The following LYST variants were observed in gnomAD, a reference collection of about 807,000 sequenced individuals.
LYST encodes lysosomal trafficking regulator.
LYST carries 192 observed loss-of-function variants against 413.6 expected under a neutral mutation model. The ratio of observed to expected loss-of-function variants is 0.46; its 90% CI spans 0.41 to 0.52. The LOEUF is 0.52. Among genes scored for constraint, LYST ranks in the 20% least tolerant of loss-of-function variants. The probability of loss-of-function intolerance (pLI) is 0.00; values close to 1 mark genes in which losing one functional copy is unlikely to be tolerated. For missense variants in LYST, 3,815 were observed against 4,499.9 expected (o/e 0.85, Z 4.35); for synonymous variants, 1,525 against 1,567.3 (o/e 0.97, Z 0.64).
intron 29 of LYST, 95 bp from the exon 30 acceptor site, chr1:235,744,252 T>A (rs1665694092): frequency 1.4e-6 from 1 of 709,918 alleles, no homozygotes; most frequent in Admixed American, 2.2e-5. Flanking sequence ...TTGTATTTAA[T>A]TACTAATTCA....
chr1:235,682,164 A>C (rs911232674), intron 48 of LYST, among the ~76,000 whole-genome samples: 11 of 152,144 alleles, frequency 7.2e-5, no homozygotes, highest in African/African-American at 2.7e-4. Flanking sequence ...TTTAAAAAGT[A>C]GTAGGGCATT....
At chr1:235,672,058 A>T (rs376816237) in intron 50 of LYST, among the ~76,000 whole-genome samples, 3 of 152,294 alleles carry the variant, frequency 2.0e-5, no homozygotes, top group African/African-American at 4.8e-5. Flanking sequence ...GAAGGAGAAG[A>T]GTAAAGGATG....
At chr1:235,856,374 G>GT (rs1395770903) in intron 1 of LYST, among the ~76,000 whole-genome samples, 1 of 152,112 alleles carries the variant, frequency 6.6e-6, no homozygotes, top group African/African-American at 2.4e-5. Context: ...TCAGTTTTCT[G>GT]TTTTGCCTTG....
At chr1:235,790,165 CTA>C (rs1670841422) in intron 12 of LYST, among the ~76,000 whole-genome samples, 2 of 152,082 alleles carry the variant, frequency 1.3e-5, no homozygotes, top group South Asian at 4.1e-4. Context: ...TCTCAGGTCA[CTA>C]TGTATATTTA....
chr1:235,695,099 T>A (rs1017157270), intron 46 of LYST, among the ~76,000 whole-genome samples: 4 of 152,190 alleles, frequency 2.6e-5, no homozygotes, highest in Non-Finnish European at 5.9e-5. Context: ...TGAGTGTATG[T>A]AGTAAACACT....
chr1:235,883,193 G>A (rs982995616), exon 1 of LYST: 2 of 152,150 alleles, frequency 1.3e-5, no homozygotes, highest in Admixed American at 6.6e-5. Flanking sequence ...CTACCTGAAC[G>A]GTGATTGCCT....
At chr1:235,768,568 C>T (rs1199420835) in intron 20 of LYST, among the ~76,000 whole-genome samples, 2 of 152,098 alleles carry the variant, frequency 1.3e-5, no homozygotes, top group East Asian at 3.9e-4. Flanking sequence ...GATAAGTGGG[C>T]TCTTTGAACA....
At chr1:235,859,421 C>T (rs1241787796) in intron 1 of LYST, among the ~76,000 whole-genome samples, 5 of 152,042 alleles carry the variant, frequency 3.3e-5, no homozygotes, top group Admixed American at 3.3e-4. Flanking sequence ...CCTTCATTAC[C>T]AAAAGTATTT....
At chr1:235,868,861 A>G (rs577041920), upstream of LYST, among the ~76,000 whole-genome samples, 1 of 151,992 alleles carries the variant, frequency 6.6e-6, no homozygotes, top group Admixed American at 6.5e-5. Flanking sequence ...ATGCCCGGCT[A>G]ATTTTGTATT....
intron 50 of LYST, among the ~76,000 whole-genome samples, chr1:235,673,212 G>C (rs944395672): frequency 1.3e-5 from 2 of 151,968 alleles, no homozygotes; most frequent in African/African-American, 4.8e-5. Flanking sequence ...AGTCTAATCA[G>C]TCTGTCTCTT....
intron 32 of LYST, among the ~76,000 whole-genome samples, 193 bp downstream of exon 32, chr1:235,734,290 G>A (rs1321046621): frequency 6.6e-6 from 1 of 151,804 alleles, no homozygotes; most frequent in African/African-American, 2.4e-5. Flanking sequence ...TGACCACAGA[G>A]AACAAAATGC....
intron 10 of LYST, among the ~76,000 whole-genome samples, chr1:235,798,726 A>G (rs2102808812): frequency 6.6e-6 from 1 of 152,148 alleles, no homozygotes; most frequent in South Asian, 2.1e-4. Flanking sequence ...GCATCATGCT[A>G]TGTGAAAGAA....
At chr1:235,714,370 C>T (rs541146662) in intron 42 of LYST, among the ~76,000 whole-genome samples, 1 of 152,236 alleles carries the variant, frequency 6.6e-6, no homozygotes, top group Admixed American at 6.5e-5. Flanking sequence ...CAACAATTTT[C>T]AAATATTTGA....
chr1:235,730,209 G>T (rs1303163379), intron 36 of LYST, among the ~76,000 whole-genome samples: 1 of 151,946 alleles, frequency 6.6e-6, no homozygotes, highest in Non-Finnish European at 1.5e-5. Flanking sequence ...TCTATGAAAT[G>T]GGTATAATAA....
At chr1:235,705,276 C>T (rs903507102) in intron 44 of LYST, among the ~76,000 whole-genome samples, 14 of 151,992 alleles carry the variant, frequency 9.2e-5, no homozygotes, top group Non-Finnish European at 1.6e-4. Flanking sequence ...AAATTCTTAA[C>T]GATGGCATAA....
intron 3 of LYST, among the ~76,000 whole-genome samples, chr1:235,824,991 G>C (rs1435472627): frequency 1.3e-5 from 2 of 152,188 alleles, no homozygotes; most frequent in African/African-American, 2.4e-5. Context: ...CTGCACTCCA[G>C]CCTGGGCGAC....
chr1:235,683,160 C>T (rs1161331951), intron 48 of LYST, among the ~76,000 whole-genome samples: 2 of 152,214 alleles, frequency 1.3e-5, no homozygotes, highest in Admixed American at 6.5e-5. Context: ...ATAAACTCTG[C>T]ACTTTGAAAT....
chr1:235,691,689 C>T (rs1367593376), intron 47 of LYST, among the ~76,000 whole-genome samples: 4 of 129,338 alleles, frequency 3.1e-5, no homozygotes, highest in Non-Finnish European at 4.9e-5. Context: ...CTATAAACAT[C>T]AGATTCTCTC....
chr1:235,781,151 T>A, intron 15 of LYST, 96 bp from the exon 16 acceptor site: 1 of 795,292 alleles, frequency 1.3e-6, no homozygotes, highest in Non-Finnish European at 2.1e-6. Context: ...TGTAGCCAGA[T>A]TCTTTCAGTT....
Sources: gnomAD v4.1 joint callset for allele counts (sites outside exome capture counted in the v4.1 genomes callset) on GRCh38, gnomAD v4.1.1 for gene constraint, MANE v1.5 for transcripts, NCBI Gene and HGNC (gene_info 2026-07-23, HGNC 2026-07-21) for gene names.